The following VCPKMT variants were observed in gnomAD, a reference collection of about 807,000 sequenced individuals.
The protein encoded by VCPKMT is protein N-lysine methyltransferase METTL21D.
In VCPKMT, 32 loss-of-function variants were observed where a neutral mutation model predicts 28.6. The observed-to-expected ratio is 1.12, with a 90% CI of 0.84 to 1.50. The LOEUF (loss-of-function observed/expected upper bound fraction) is 1.50, where lower values mean the gene tolerates loss of function less well. Ranked by LOEUF, VCPKMT falls within the 40% of genes most tolerant of loss-of-function variation. The pLI is 0.00. For synonymous variants in VCPKMT, 138 were observed against 111.4 expected (o/e 1.24, Z -1.50); for missense variants, 366 against 285.0 (o/e 1.28, Z -2.05).
At chr14:50,111,311 TG>T (rs2139432420) in intron 5 of VCPKMT, 4 of 985,426 alleles carry the variant, frequency 4.1e-6, no homozygotes, top group Non-Finnish European at 4.8e-6. Context: ...CAGTTTTTTT[TG>T]TATCTGTGGC....
chr14:50,115,238 C>T (rs750523704), intron 3 of VCPKMT, among the ~76,000 whole-genome samples: 2 of 150,694 alleles, frequency 1.3e-5, no homozygotes, highest in Non-Finnish European at 2.9e-5. Context: ...CTGCAACCTC[C>T]GCCTCCCAGG....
chr14:50,116,502 C>G lies in VCPKMT; in HGVS notation c.51G>C (p.Val17=), dbSNP rs921599197. The change falls in exon 1 of 6, where the codon GTG becomes GTC. Residue 17 remains valine (V), a synonymous_variant. Coordinates refer to ENST00000395860, the MANE Select transcript of VCPKMT (RefSeq NM_024558.3). ...SSLEDPLRSF[V]RVLEKRDGTV... is the part of the protein sequence containing the mutation. The stretch of plus-strand genomic sequence containing the variant: ...TACCATCCCGCTTCTCCAAAACTCG[C>G]ACAAAGCTCCGCAGTGGGTCCTCCA... 1.2e-6 allele frequency: 2 copies of G among 1,613,730 alleles called. No individual in the cohort carries two copies. Among genetic ancestry groups the G allele is most frequent in the Non-Finnish European group, 1.7e-6 (2 of 1,179,920 alleles).
At chr14:50,112,105 A>C (rs1882702782) in intron 5 of VCPKMT, 5 of 978,194 alleles carry the variant, frequency 5.1e-6, no homozygotes, top group Non-Finnish European at 6.1e-6. Context: ...ATTTTTAATA[A>C]GGAAAAGTTC....
rs142429486 is a variant in VCPKMT at position 50,110,938 on chromosome 14, CAT to C, written c.676-1227_676-1226del. 6.9e-3 allele frequency among the ~76,000 whole-genome samples: 1,054 copies of C among 152,226 alleles called. 18 individuals carry two copies. Among genetic ancestry groups the C allele is most frequent in the African/African-American group, 0.024 (1,010 of 41,534 alleles). On this transcript the variant is annotated intron_variant, in intron 5 of 5. Transcript: ENST00000395860. ...ACAGTATGTGACTTGTTACATATGA[CAT>C]GTGCAGAATAGGCAAATCCATAGAG...
rs1882474443 is a variant in VCPKMT, at chr14:50,109,211, A to T, written c.*488T>A. 1.1e-6 allele frequency: 1 copy of T among 897,750 alleles called. No homozygotes were observed. The highest frequency in any genetic ancestry group is 1.3e-6 in the Non-Finnish European group (1 of 749,828). The allele number at this position is 897,750 out of a possible 1,614,324, so 55.6% of individuals were successfully genotyped here. A position where few individuals can be genotyped will look rare whatever the true frequency, so the allele number is the denominator to read the frequency against. ...GATATTTTAAAAGAAATGAAGTGGA[A>T]AATACAAATGATAAATATTGTATAA... On this transcript the variant is annotated 3_prime_UTR_variant, in exon 6 of 6. Transcript: ENST00000395860.
rs1594933816 is a variant in VCPKMT at position 50,109,550 on chromosome 14, T to C, written c.*149A>G. The C allele has an allele frequency of 9.6e-6, 13 of 1,361,146 alleles. No individual in the cohort carries two copies. The highest frequency in any genetic ancestry group is 7.7e-5 in the South Asian group (4 of 52,276). 84.3% of individuals were successfully genotyped at this position (1,361,146 alleles called of 1,614,324 possible). A position where few individuals can be genotyped will look rare whatever the true frequency, so the allele number is the denominator to read the frequency against. The stretch of plus-strand genomic sequence containing the variant: ...AATTTTTCGTATTGCAGACAGCCCC[T>C]GGTGGTCATCATCTATACATCGGAT... On this transcript the variant is annotated 3_prime_UTR_variant, in exon 6 of 6. Coordinates refer to ENST00000395860, the MANE Select transcript of VCPKMT (RefSeq NM_024558.3).
chr14:50,114,538 T>G (rs571326814), intron 3 of VCPKMT, 134 bp from the exon 4 acceptor site: 5 of 602,348 alleles, frequency 8.3e-6, no homozygotes, highest in African/African-American at 7.7e-5. Flanking sequence ...ACAAAGCACA[T>G]GTAATTAAAG....
At chr14:50,106,421 G>T, downstream of VCPKMT, 1 of 394,200 alleles carries the variant, frequency 2.5e-6, no homozygotes, top group Non-Finnish European at 3.5e-6. Flanking sequence ...TCCTGGCTGA[G>T]CCCCAGCTAG....
At chr14:50,115,784 T>C in intron 3 of VCPKMT, 55 bp downstream of exon 3, 1 of 1,541,664 alleles carries the variant, frequency 6.5e-7, no homozygotes, top group South Asian at 1.2e-5. Flanking sequence ...GCTTTAGAAT[T>C]CATGGAATAA....
chr14:50,106,603 C>A, downstream of VCPKMT: 3 of 985,472 alleles, frequency 3.0e-6, no homozygotes, highest in Non-Finnish European at 3.6e-6. Flanking sequence ...ATTCTGTCTC[C>A]ATGCTTCGGA....
intron 5 of VCPKMT, chr14:50,111,183 GA>G (rs57256362): frequency 0.88 from 847,190 of 966,116 alleles, 367,865 homozygotes; most frequent in East Asian, 0.92. Flanking sequence ...TTTTTTGGCC[GA>G]AAAAAAAAAA....
At chr14:50,112,018 A>G in intron 5 of VCPKMT, 2 of 985,308 alleles carry the variant, frequency 2.0e-6, no homozygotes, top group Non-Finnish European at 2.4e-6. Flanking sequence ...GCGGGAAAAT[A>G]CATAAATTCT....
chr14:50,106,624 G>A (rs1882330633), downstream of VCPKMT: 1 of 985,262 alleles, frequency 1.0e-6, no homozygotes, highest in Non-Finnish European at 1.2e-6. Context: ...ATCTGCTGCT[G>A]GTGGGTAAAC....
intron 5 of VCPKMT, chr14:50,111,846 A>C (rs72681823): frequency 0.16 from 147,154 of 917,466 alleles, 12,784 homozygotes; most frequent in Admixed American, 0.33. Flanking sequence ...CCGAGATTGC[A>C]CCACTGTACT....
Position 50,112,555 on chromosome 14 carries a change from G to C in VCPKMT, c.675+60C>G, listed in dbSNP as rs562563722. 8 of 1,128,942 alleles carry C rather than the reference G, an allele frequency of 7.1e-6. No individual in the cohort carries two copies. The East Asian group carries it at 1.8e-4, about 26-fold the overall frequency. The allele number at this position is 1,128,942 out of a possible 1,614,324, so 69.9% of individuals were successfully genotyped here. A position where few individuals can be genotyped will look rare whatever the true frequency, so the allele number is the denominator to read the frequency against. ...AACGCCCATACCACACATATGCCCT[G>C]AAATAGTGTCCAGCTGATGAAACCT... is the stretch of plus-strand genomic sequence containing the variant. On this transcript the variant is annotated intron_variant, in intron 5 of 5. Coordinates refer to ENST00000395860, the MANE Select transcript of VCPKMT (RefSeq NM_024558.3).
At position 50,114,337 on chromosome 14, in the gene VCPKMT, TAAC is replaced by T. The variant is rs1463320314; in HGVS notation, c.515_517del (p.Cys172del). 6 of 1,594,302 alleles carry T rather than the reference TAAC, an allele frequency of 3.8e-6. No homozygotes were observed. The African/African-American group carries it at 6.8e-5, about 18-fold the overall frequency. The stretch of plus-strand genomic sequence containing the variant: ...ATTTTTCCCCATTGTTCGTTGTTCA[TAAC>T]AACATATAATACAAGTTTCAAATCC... On this transcript the variant is annotated inframe_deletion, in exon 4 of 6. Coordinates refer to ENST00000395860, the MANE Select transcript of VCPKMT (RefSeq NM_024558.3).
the VCPKMT span, among the ~76,000 whole-genome samples, chr14:50,103,625 C>T: frequency 1.3e-5 from 2 of 152,156 alleles, no homozygotes; most frequent in African/African-American, 4.8e-5. Flanking sequence ...TTCGAATGCT[C>T]GTGGCAGTTG....
chr14:50,115,160 TTTTTTTTTTG>T (rs755393531), intron 3 of VCPKMT, among the ~76,000 whole-genome samples: 109 of 80,000 alleles, frequency 1.4e-3, no homozygotes, highest in Middle Eastern at 8.9e-3. Flanking sequence ...TTTTTTTTTT[TTTTTTTTTTG>T]AGACAGAGTT....
intron 4 of VCPKMT, among the ~76,000 whole-genome samples, chr14:50,113,677 A>ATTC (rs1221997258): frequency 6.6e-6 from 1 of 152,066 alleles, no homozygotes; most frequent in Non-Finnish European, 1.5e-5. Flanking sequence ...ATGTAGAGAA[A>ATTC]AACACAGAAG....
Sources: allele counts gnomAD v4.1 joint callset (sites outside exome capture counted in the v4.1 genomes callset), GRCh38; gene constraint gnomAD v4.1.1; transcripts MANE v1.5; gene names NCBI Gene and HGNC (gene_info 2026-07-23, HGNC 2026-07-21).